GNB1: variants seen among roughly 807,000 people sequenced by gnomAD.
GNB1 encodes G protein subunit beta 1.
In GNB1, 2 loss-of-function variants were observed where a neutral mutation model predicts 42.9. That is an observed-to-expected ratio of 0.05 (90% CI 0.02 to 0.15). The LOEUF (loss-of-function observed/expected upper bound fraction) is 0.15. GNB1 is among the 10% of genes least tolerant of loss of function. The pLI is 1.00. For missense variants in GNB1, 193 were observed against 462.2 expected (o/e 0.42, Z 5.34); for synonymous variants, 183 against 174.7 (o/e 1.05, Z -0.38).
chr1:1,840,701 G>T (rs1016299981), intron 1 of GNB1, among the ~76,000 whole-genome samples: 2 of 152,216 alleles, frequency 1.3e-5, no homozygotes, highest in Admixed American at 6.5e-5. Flanking sequence ...TCTATGTTGG[G>T]ACACTTCCAA....
At chr1:1,839,098 A>G (rs1000142481) in intron 2 of GNB1, 92 bp downstream of exon 2, 1 of 152,096 alleles carries the variant, frequency 6.6e-6, no homozygotes, top group African/African-American at 2.4e-5. Flanking sequence ...TCTTTAAAAA[A>G]CCAACCCACC....
At chr1:1,810,390 G>T (rs1175618981) in intron 5 of GNB1, among the ~76,000 whole-genome samples, 3 of 151,870 alleles carry the variant, frequency 2.0e-5, no homozygotes, top group Admixed American at 6.6e-5. Context: ...TTAAAAATTA[G>T]CTGGGCACAG....
intron 3 of GNB1, chr1:1,818,305 T>TAAAAAA (rs70937197): frequency 2.1e-5 from 2 of 96,606 alleles, no homozygotes; most frequent in African/African-American, 8.2e-5. Context: ...AAAGGTCTAT[T>TAAAAAA]AAAAAAAAAA....
At chr1:1,890,161 A>AGAAGGGCGAGGCCACAGCGC (rs1650401057) in intron 1 of GNB1, among the ~76,000 whole-genome samples, 1 of 152,038 alleles carries the variant, frequency 6.6e-6, no homozygotes, top group African/African-American at 2.4e-5. Flanking sequence ...CCTCGGCAGG[A>AGAAGGGCGAGGCCACAGCGC]GAAGGGCGAG....
At chr1:1,834,042 G>C (rs924547739) in intron 2 of GNB1, among the ~76,000 whole-genome samples, 1 of 152,122 alleles carries the variant, frequency 6.6e-6, no homozygotes, top group African/African-American at 2.4e-5. Flanking sequence ...AGGGAAAAAG[G>C]AGAGAAAGCA....
At chr1:1,881,613 T>A (rs1048668392) in intron 1 of GNB1, among the ~76,000 whole-genome samples, 2 of 152,142 alleles carry the variant, frequency 1.3e-5, no homozygotes, top group African/African-American at 4.8e-5. Context: ...TTGGCCAGGC[T>A]GGTCTCAAAC....
chr1:1,880,932 T>TG (rs1323769831), intron 1 of GNB1, among the ~76,000 whole-genome samples: 8 of 151,394 alleles, frequency 5.3e-5, no homozygotes, highest in Non-Finnish European at 1.0e-4. Flanking sequence ...AAGACAAGAG[T>TG]GGGGTAAAAC....
intron 2 of GNB1, among the ~76,000 whole-genome samples, chr1:1,832,549 A>T (rs1647091397): frequency 1.3e-5 from 2 of 152,226 alleles, no homozygotes; most frequent in African/African-American, 4.8e-5. Flanking sequence ...CTTTAGAACA[A>T]CATCTTTGTG....
intron 6 of GNB1, 96 bp from the exon 7 acceptor site, chr1:1,804,677 G>A: frequency 1.1e-6 from 1 of 938,044 alleles, no homozygotes; most frequent in Non-Finnish European, 1.6e-6. Context: ...TGCAAAGGAG[G>A]TAACAGAACA....
chr1:1,869,868 C>CT (rs1027990931), intron 1 of GNB1, among the ~76,000 whole-genome samples: 1 of 151,500 alleles, frequency 6.6e-6, no homozygotes, highest in African/African-American at 2.4e-5. Flanking sequence ...ACAATCTTTT[C>CT]TTTTTTTTTC....
intron 2 of GNB1, among the ~76,000 whole-genome samples, chr1:1,831,201 G>A (rs1160985527): frequency 1.3e-5 from 2 of 151,974 alleles, no homozygotes; most frequent in African/African-American, 4.8e-5. Flanking sequence ...GCTGGGTATC[G>A]TGGAACGTGC....
intron 2 of GNB1, among the ~76,000 whole-genome samples, chr1:1,827,497 G>C (rs967234033): frequency 6.6e-6 from 1 of 152,208 alleles, no homozygotes; most frequent in African/African-American, 2.4e-5. Flanking sequence ...ATTAGGTATG[G>C]ACAAGGTCAC....
intron 1 of GNB1, among the ~76,000 whole-genome samples, chr1:1,862,942 G>A (rs1404876563): frequency 6.6e-6 from 1 of 152,108 alleles, no homozygotes; most frequent in African/African-American, 2.4e-5. Flanking sequence ...ACAAATAACT[G>A]CCATACACAC....
chr1:1,792,553 T>A (rs926540694), intron 8 of GNB1, among the ~76,000 whole-genome samples: 1 of 151,508 alleles, frequency 6.6e-6, no homozygotes, highest in Non-Finnish European at 1.5e-5. Flanking sequence ...AAAAATTAGC[T>A]GGGTGTGGTG....
chr1:1,803,231 T>C (rs1196687510), intron 7 of GNB1, among the ~76,000 whole-genome samples: 2 of 152,230 alleles, frequency 1.3e-5, no homozygotes, highest in African/African-American at 4.8e-5. Flanking sequence ...TCATGATGAA[T>C]TAGTGTCACA....
At chr1:1,831,740 T>C (rs1200603343) in intron 2 of GNB1, among the ~76,000 whole-genome samples, 1 of 150,390 alleles carries the variant, frequency 6.6e-6, no homozygotes, top group Non-Finnish European at 1.5e-5. Context: ...CCCGGTCACA[T>C]GTAGTAATTG....
At chr1:1,845,870 C>T (rs1019372259) in intron 1 of GNB1, among the ~76,000 whole-genome samples, 126 of 137,778 alleles carry the variant, frequency 9.1e-4, no homozygotes, top group Non-Finnish European at 1.7e-3. Flanking sequence ...CACACACACA[C>T]ACGTATATCT....
intron 7 of GNB1, among the ~76,000 whole-genome samples, chr1:1,802,133 T>G (rs1646634509): frequency 1.3e-5 from 2 of 152,214 alleles, no homozygotes. Context: ...CAGCCCTGCA[T>G]GAGCATTTCA....
Position 1,825,399 on chromosome 1 carries a change from G to C in GNB1, c.55C>G (p.Arg19Gly). The change falls in exon 3 of 12, where the codon CGA becomes GGA. Residue 19 changes from arginine to glycine, a missense_variant and splice_region_variant. Around this residue, in one of 2 missense-constraint regions of GNB1, gnomAD observed 43 missense variants for 51.5 expected, o/e 0.84. Coordinates refer to ENST00000378609, the MANE Select transcript of GNB1 (RefSeq NM_002074.5). ...QEAEQLKNQI[R>G]DARKACADAT... ...ACCAAGCACACACAACTACATACTC[G>C]AATCTGGTTCTTAAGTTGCTCGGCC... is the stretch of plus-strand genomic sequence containing the variant. The C allele has an allele frequency of 6.2e-7, 1 of 1,607,506 alleles. No homozygotes were observed.
Sources: gnomAD v4.1 joint callset for allele counts (sites outside exome capture counted in the v4.1 genomes callset) on GRCh38, gnomAD v4.1.1 for gene constraint, gnomAD v4.1.1 regional missense constraint, MANE v1.5 for transcripts, NCBI Gene and HGNC (gene_info 2026-07-23, HGNC 2026-07-21) for gene names.